LRMDA: variants seen among roughly 807,000 people sequenced by gnomAD.
LRMDA encodes the protein leucine-rich melanocyte differentiation-associated protein.
LRMDA carries 18 observed loss-of-function variants against 29.8 expected under a neutral mutation model. The ratio of observed to expected loss-of-function variants is 0.60; its 90% confidence interval spans 0.42 to 0.90. The LOEUF is 0.90. LRMDA is among the 40% of genes least tolerant of loss of function. The pLI, the probability that LRMDA is intolerant of heterozygous loss-of-function variation, is 0.00. For synonymous variants in LRMDA, 125 were observed against 109.4 expected (o/e 1.14, Z -0.89); for missense variants, 273 against 273.9 (o/e 1.00, Z 0.02).
At chr10:76,134,805 A>G (rs1850063696) in intron 5 of LRMDA, among the ~76,000 whole-genome samples, 1 of 152,208 alleles carries the variant, frequency 6.6e-6, no homozygotes, top group Admixed American at 6.5e-5. Context: ...TTGATACATT[A>G]CTTACAAATT....
intron 2 of LRMDA, among the ~76,000 whole-genome samples, chr10:75,487,260 T>C (rs1337362521): frequency 3.9e-5 from 6 of 152,248 alleles, no homozygotes; most frequent in Admixed American, 3.9e-4. Context: ...CTTTACTTAC[T>C]GAGCTTTTTC....
intron 2 of LRMDA, among the ~76,000 whole-genome samples, chr10:75,788,528 T>C (rs12411465): frequency 0.17 from 25,395 of 152,260 alleles, 2,320 homozygotes; most frequent in Admixed American, 0.23. Context: ...TAGCCAGTCA[T>C]GTGCTAAAGC....
chr10:76,314,233 CT>C (rs1312603220), intron 5 of LRMDA, among the ~76,000 whole-genome samples: 1 of 152,066 alleles, frequency 6.6e-6, no homozygotes, highest in African/African-American at 2.4e-5. Context: ...ACACAACATC[CT>C]TTTTTTGTTG....
At chr10:76,555,962 A>G (rs1843552119) in intron 6 of LRMDA, among the ~76,000 whole-genome samples, 1 of 152,188 alleles carries the variant, frequency 6.6e-6, no homozygotes, top group Admixed American at 6.5e-5. Context: ...ATTAGCGCTA[A>G]GACAACTCTG....
intron 2 of LRMDA, among the ~76,000 whole-genome samples, chr10:75,580,101 G>A (rs990305297): frequency 1.3e-5 from 2 of 152,158 alleles, no homozygotes; most frequent in African/African-American, 4.8e-5. Flanking sequence ...GAAATAAAGG[G>A]TATTCAATTA....
chr10:75,499,056 G>C (rs546755292), intron 2 of LRMDA, among the ~76,000 whole-genome samples: 2 of 152,198 alleles, frequency 1.3e-5, no homozygotes, highest in Admixed American at 1.3e-4. Context: ...CAGGAGGGAA[G>C]GGCGGTGGTG....
intron 6 of LRMDA, among the ~76,000 whole-genome samples, chr10:76,445,495 C>T (rs1044104296): frequency 6.6e-6 from 1 of 152,182 alleles, no homozygotes; most frequent in Non-Finnish European, 1.5e-5. Context: ...TACCTAAACT[C>T]AGGACACATG....
chr10:76,146,512 A>AGT (rs1850324854), intron 5 of LRMDA, among the ~76,000 whole-genome samples: 3 of 151,832 alleles, frequency 2.0e-5, no homozygotes, highest in African/African-American at 7.3e-5. Context: ...TAGGATTGCA[A>AGT]CCACTGCCTT....
At chr10:75,759,329 C>A (rs1365312934) in intron 2 of LRMDA, among the ~76,000 whole-genome samples, 1 of 152,156 alleles carries the variant, frequency 6.6e-6, no homozygotes, top group Non-Finnish European at 1.5e-5. Flanking sequence ...CACTTTGGGG[C>A]TCCGTGTCAT....
At chr10:75,636,799 G>T (rs1240702875) in intron 2 of LRMDA, among the ~76,000 whole-genome samples, 1 of 151,972 alleles carries the variant, frequency 6.6e-6, no homozygotes, top group Non-Finnish European at 1.5e-5. Flanking sequence ...TCCACCTGGG[G>T]CCGGGAGATC....
intron 3 of LRMDA, among the ~76,000 whole-genome samples, chr10:76,044,768 A>C (rs1024496107): frequency 6.6e-6 from 1 of 152,154 alleles, no homozygotes; most frequent in African/African-American, 2.4e-5. Context: ...TATTTGTGAA[A>C]GATTTGAGAG....
At chr10:75,894,116 G>A (rs1276745539) in intron 2 of LRMDA, among the ~76,000 whole-genome samples, 1 of 151,874 alleles carries the variant, frequency 6.6e-6, no homozygotes, top group South Asian at 2.1e-4. Context: ...GTGAGATTTT[G>A]GTGCACCCAT....
chr10:76,010,413 A>G (rs1187233899), intron 2 of LRMDA, among the ~76,000 whole-genome samples: 3 of 151,750 alleles, frequency 2.0e-5, no homozygotes, highest in Non-Finnish European at 2.9e-5. Context: ...CCCGAGTTCA[A>G]GCAATTCTCC....
chr10:75,630,471 T>C (rs1377721504), intron 2 of LRMDA, among the ~76,000 whole-genome samples: 1 of 152,190 alleles, frequency 6.6e-6, no homozygotes, highest in Non-Finnish European at 1.5e-5. Flanking sequence ...TTCTAGGCAT[T>C]TCCCCAGACT....
At chr10:76,347,186 C>G (rs977122696) in intron 6 of LRMDA, among the ~76,000 whole-genome samples, 1 of 152,120 alleles carries the variant, frequency 6.6e-6, no homozygotes, top group African/African-American at 2.4e-5. Context: ...GGCCGTTATT[C>G]CCTATATACT....
At chr10:75,564,264 A>C (rs561754330) in intron 2 of LRMDA, among the ~76,000 whole-genome samples, 144 of 152,314 alleles carry the variant, frequency 9.5e-4, no homozygotes, top group African/African-American at 3.2e-3. Flanking sequence ...AGCCTCGCTG[A>C]CGCCTTGCAG....
intron 5 of LRMDA, among the ~76,000 whole-genome samples, chr10:76,322,683 T>G (rs977539972): frequency 1.3e-5 from 2 of 152,208 alleles, no homozygotes; most frequent in African/African-American, 4.8e-5. Context: ...AAATTGAGAT[T>G]AAAAGTTCTA....
chr10:76,013,446 A>G (rs1847820799), intron 2 of LRMDA, among the ~76,000 whole-genome samples: 1 of 152,122 alleles, frequency 6.6e-6, no homozygotes, highest in African/African-American at 2.4e-5. Context: ...GCAAAATGAC[A>G]TTTTAATTTC....
rs1848411822 is a variant in LRMDA, at chr10:76,045,107, T to TA, written c.259-2056dup. ...CTCTTGCTAGTTTACCTATTCTTGC[T>TA]AGTTTTTCCCCTCCCTTGCTAGTTT... On this transcript the variant is annotated intron_variant, in intron 3 of 6. Coordinates refer to ENST00000611255, the MANE Select transcript of LRMDA (RefSeq NM_001305581.2). 2.0e-5 allele frequency among the ~76,000 whole-genome samples: 3 copies of TA among 150,978 alleles called. No individual in the cohort carries two copies. In the South Asian group the frequency reaches 6.4e-4, roughly 32 times the overall value.
Sources: allele counts gnomAD v4.1 joint callset (sites outside exome capture counted in the v4.1 genomes callset), GRCh38; gene constraint gnomAD v4.1.1; transcripts MANE v1.5; gene names NCBI Gene and HGNC (gene_info 2026-07-23, HGNC 2026-07-21).